Variants in GNB4 observed in about 807,000 individuals in gnomAD.
The protein encoded by GNB4 is G protein subunit beta 4, also known as guanine nucleotide-binding protein subunit beta-4.
GNB4 carries 28 observed loss-of-function variants against 45.2 expected under a neutral mutation model. The observed-to-expected ratio is 0.62, with a 90% CI of 0.46 to 0.85. The LOEUF is 0.85. Ranked by LOEUF, GNB4 falls within the 40% of genes least tolerant of loss-of-function variation. The pLI is 0.00. For synonymous variants in GNB4, 132 were observed against 143.7 expected (o/e 0.92, Z 0.58); for missense variants, 321 against 425.4 (o/e 0.75, Z 2.16).
At chr3:179,484,998 T>C in the GNB4 span, among the ~76,000 whole-genome samples, 1 of 117,548 alleles carries the variant, frequency 8.5e-6, no homozygotes, top group African/African-American at 2.9e-5. Context: ...GCAACTTTTT[T>C]CGTTTTGTTT....
At chr3:179,491,054 A>G in the GNB4 span, among the ~76,000 whole-genome samples, 2 of 152,062 alleles carry the variant, frequency 1.3e-5, no homozygotes, top group Non-Finnish European at 2.9e-5. Flanking sequence ...GAATTATCTG[A>G]CAGTTTTTAA....
chr3:179,481,610 C>T, the GNB4 span, among the ~76,000 whole-genome samples: 1 of 152,090 alleles, frequency 6.6e-6, no homozygotes, highest in Non-Finnish European at 1.5e-5. Context: ...AAAGTGCTAG[C>T]ATTATAGGGG....
the GNB4 span, among the ~76,000 whole-genome samples, chr3:179,472,250 G>C: frequency 6.6e-6 from 1 of 151,596 alleles, no homozygotes; most frequent in Non-Finnish European, 1.5e-5. Context: ...TTTTTGCTCA[G>C]TTTCAAATTA....
the GNB4 span, among the ~76,000 whole-genome samples, chr3:179,510,317 A>G: frequency 0.031 from 4,740 of 152,252 alleles, 215 homozygotes; most frequent in African/African-American, 0.1. Context: ...ATTCTTCTGT[A>G]GGATCAGTCC....
chr3:179,519,580 T>TC, the GNB4 span, among the ~76,000 whole-genome samples: 1 of 152,186 alleles, frequency 6.6e-6, no homozygotes, highest in African/African-American at 2.4e-5. Flanking sequence ...TTTTATGCAC[T>TC]CTTTTTTAGT....
At chr3:179,467,571 C>T in the GNB4 span, among the ~76,000 whole-genome samples, 1 of 152,072 alleles carries the variant, frequency 6.6e-6, no homozygotes, top group African/African-American at 2.4e-5. Context: ...AAAGAAAGCA[C>T]CTGCATTTTT....
intron 1 of GNB4, among the ~76,000 whole-genome samples, chr3:179,449,705 TAATA>T (rs1715821736): frequency 6.6e-6 from 1 of 152,186 alleles, no homozygotes; most frequent in Admixed American, 6.5e-5. Context: ...AGAGATATTT[TAATA>T]AATAAGTCCA....
chr3:179,423,091 A>G (rs1289624965), intron 2 of GNB4, among the ~76,000 whole-genome samples: 1 of 152,154 alleles, frequency 6.6e-6, no homozygotes, highest in Non-Finnish European at 1.5e-5. Flanking sequence ...GTGCCCAGCC[A>G]GAAAGATTTT....
At chr3:179,412,429 G>C (rs964047286) in intron 8 of GNB4, among the ~76,000 whole-genome samples, 7 of 152,002 alleles carry the variant, frequency 4.6e-5, no homozygotes, top group African/African-American at 1.7e-4. Context: ...TGTGAGCTAT[G>C]ATCATGCCAT....
intron 8 of GNB4, among the ~76,000 whole-genome samples, chr3:179,409,125 TAAAA>T (rs35623624): frequency 1.5e-5 from 2 of 134,138 alleles, no homozygotes; most frequent in Non-Finnish European, 3.2e-5. Flanking sequence ...TGAAACCCAG[TAAAA>T]AAAAAAAAAA....
intron 1 of GNB4, among the ~76,000 whole-genome samples, chr3:179,437,469 G>T (rs1005974826): frequency 4.6e-5 from 7 of 152,062 alleles, no homozygotes; most frequent in African/African-American, 1.4e-4. Context: ...GGAAGCTGAG[G>T]CATAAGAATC....
the GNB4 span, among the ~76,000 whole-genome samples, chr3:179,481,449 A>G: frequency 6.6e-6 from 1 of 152,200 alleles, no homozygotes; most frequent in Non-Finnish European, 1.5e-5. Flanking sequence ...TGCTGAGATT[A>G]CAGACATGAG....
intron 8 of GNB4, among the ~76,000 whole-genome samples, chr3:179,408,982 C>T (rs911866338): frequency 1.3e-5 from 2 of 149,640 alleles, no homozygotes; most frequent in African/African-American, 4.9e-5. Flanking sequence ...CCTATCTCTG[C>T]AAAAAATACA....
intron 1 of GNB4, among the ~76,000 whole-genome samples, chr3:179,431,912 G>A (rs1320370001): frequency 6.6e-6 from 1 of 152,142 alleles, no homozygotes; most frequent in Non-Finnish European, 1.5e-5. Context: ...GAACCTTTCA[G>A]TTTCAAGTGG....
intron 9 of GNB4, among the ~76,000 whole-genome samples, chr3:179,403,351 TAAAA>T (rs369992220): frequency 6.7e-6 from 1 of 148,756 alleles, no homozygotes; most frequent in Admixed American, 6.7e-5. Flanking sequence ...AGAAGAAACT[TAAAA>T]AAAAAATTCT....
the GNB4 span, among the ~76,000 whole-genome samples, chr3:179,475,403 G>A: frequency 6.6e-6 from 1 of 151,860 alleles, no homozygotes; most frequent in Non-Finnish European, 1.5e-5. Context: ...ACAGGCGTGA[G>A]CCACCACACC....
chr3:179,494,608 A>T, the GNB4 span, among the ~76,000 whole-genome samples: 1 of 151,590 alleles, frequency 6.6e-6, no homozygotes, highest in Non-Finnish European at 1.5e-5. Flanking sequence ...AGAAGGAAGG[A>T]AGAAAAGAAG....
chr3:179,486,517 T>A, the GNB4 span, among the ~76,000 whole-genome samples: 2 of 152,152 alleles, frequency 1.3e-5, no homozygotes, highest in Non-Finnish European at 1.5e-5. Flanking sequence ...AATAAGAATA[T>A]GCAAATACAA....
At chr3:179,468,052 A>ATATATATATAT in the GNB4 span, among the ~76,000 whole-genome samples, 1 of 139,424 alleles carries the variant, frequency 7.2e-6, no homozygotes, top group Non-Finnish European at 1.5e-5. Flanking sequence ...ATATATATAG[A>ATATATATATAT]ACAGGTGTGG....
Sources: gnomAD v4.1 joint callset for allele counts (sites outside exome capture counted in the v4.1 genomes callset) on GRCh38, gnomAD v4.1.1 for gene constraint, MANE v1.5 for transcripts, NCBI Gene and HGNC (gene_info 2026-07-23, HGNC 2026-07-21) for gene names.